The following LMO1 variants were observed in gnomAD, a reference collection of about 807,000 sequenced individuals.
The protein encoded by LMO1 is rhombotin-1.
A neutral mutation model predicts 18.0 loss-of-function variants in LMO1; 10 were observed. The observed-to-expected ratio is 0.55, with a 90% confidence interval of 0.34 to 0.94. The LOEUF (loss-of-function observed/expected upper bound fraction) is 0.94. LMO1 is among the 40% of genes least tolerant of loss of function. The pLI, the probability that LMO1 is intolerant of heterozygous loss-of-function variation, is 0.02. For missense variants in LMO1, 183 were observed against 205.7 expected (o/e 0.89, Z 0.68); for synonymous variants, 77 against 77.9 (o/e 0.99, Z 0.06).
At chr11:8,226,222 C>T (rs1031784661) in intron 3 of LMO1, among the ~76,000 whole-genome samples, 4 of 152,120 alleles carry the variant, frequency 2.6e-5, no homozygotes, top group South Asian at 4.2e-4. Context: ...AGGCTGGGCG[C>T]GGTGGCTCAC....
intron 1 of LMO1, among the ~76,000 whole-genome samples, chr11:8,230,765 C>A (rs1402189792): frequency 6.6e-6 from 1 of 152,220 alleles, no homozygotes; most frequent in South Asian, 2.1e-4. Context: ...ACACACAGAC[C>A]CCAGGCCTGG....
At chr11:8,255,818 C>CTTTTTTTTTTTTTTTT (rs57425549) in intron 1 of LMO1, among the ~76,000 whole-genome samples, 2 of 86,344 alleles carry the variant, frequency 2.3e-5, no homozygotes, top group Non-Finnish European at 4.0e-5. Flanking sequence ...CAATGCCGCA[C>CTTTTTTTTTTTTTTTT]TTTTTTTTTT....
chr11:8,233,534 A>T (rs1356321192), intron 1 of LMO1, among the ~76,000 whole-genome samples: 1 of 152,182 alleles, frequency 6.6e-6, no homozygotes, highest in Non-Finnish European at 1.5e-5. Context: ...TAGGGCATCC[A>T]TGCTGTGTCT....
chr11:8,251,710 G>A (rs1353384954), intron 1 of LMO1, among the ~76,000 whole-genome samples: 1 of 152,014 alleles, frequency 6.6e-6, no homozygotes, highest in Non-Finnish European at 1.5e-5. Flanking sequence ...TGCCTGTGCA[G>A]GTAGGTGTGC....
At chr11:8,243,153 G>A (rs1337539841) in intron 1 of LMO1, among the ~76,000 whole-genome samples, 1 of 152,180 alleles carries the variant, frequency 6.6e-6, no homozygotes, top group Non-Finnish European at 1.5e-5. Flanking sequence ...CTGCCTCTGG[G>A]ATGCCTGCCT....
chr11:8,263,247 G>C, intron 1 of LMO1, 91 bp downstream of exon 1: 1 of 1,355,710 alleles, frequency 7.4e-7, no homozygotes, highest in South Asian at 1.3e-5. Flanking sequence ...AGCCCAGCAG[G>C]TGTGCGCCCG....
intron 3 of LMO1, among the ~76,000 whole-genome samples, chr11:8,225,619 C>T (rs1228773290): frequency 6.6e-6 from 1 of 152,094 alleles, no homozygotes; most frequent in East Asian, 1.9e-4. Context: ...AAGGAAGGCC[C>T]TTCATTGGTC....
At chr11:8,251,852 T>C (rs954009435) in intron 1 of LMO1, among the ~76,000 whole-genome samples, 2 of 110,548 alleles carry the variant, frequency 1.8e-5, no homozygotes, top group African/African-American at 7.5e-5. Context: ...TGGGTGTGCG[T>C]GTGTGTGTGA....
At chr11:8,255,043 C>A (rs1180912083) in intron 1 of LMO1, among the ~76,000 whole-genome samples, 2 of 152,200 alleles carry the variant, frequency 1.3e-5, no homozygotes, top group Non-Finnish European at 2.9e-5. Context: ...CTCTACCCTT[C>A]CCCACAGCCA....
chr11:8,234,437 C>T (rs1952725799), intron 1 of LMO1, among the ~76,000 whole-genome samples: 1 of 152,164 alleles, frequency 6.6e-6, no homozygotes, highest in Admixed American at 6.5e-5. Flanking sequence ...CTCCTGCCCA[C>T]CTGTCCCAGC....
chr11:8,250,970 G>A (rs761270903), intron 1 of LMO1, among the ~76,000 whole-genome samples: 1 of 152,212 alleles, frequency 6.6e-6, no homozygotes, highest in Non-Finnish European at 1.5e-5. Context: ...GCAGGGGACA[G>A]GGCCTTCCAC....
upstream of LMO1, chr11:8,268,509 C>T (rs956518186): frequency 3.0e-6 from 4 of 1,317,652 alleles, no homozygotes; most frequent in East Asian, 6.3e-5. Flanking sequence ...GGCTCCGACT[C>T]CCGCCGCCGG....
rs945426895 is a variant in LMO1, at chr11:8,263,526, G to A, written c.-164C>T. On this transcript the variant is annotated 5_prime_UTR_variant, in exon 1 of 4. Coordinates refer to ENST00000335790, the MANE Select transcript of LMO1 (RefSeq NM_002315.3). ...TGCACTCAGCTAGAATTACATTCAG[G>A]AGTGAAGCACTTCGCAGATACAAAA... 9.4e-6 allele frequency: 13 copies of A among 1,388,936 alleles called. No individual in the cohort carries two copies. The highest frequency in any genetic ancestry group is 1.2e-5 in the Non-Finnish European group (13 of 1,073,570). The allele number at this position is 1,388,936 out of a possible 1,614,324, so 86.0% of individuals were successfully genotyped here. A position where few individuals can be genotyped will look rare whatever the true frequency, so the allele number is the denominator to read the frequency against.
chr11:8,244,725 A>G (rs917498440), intron 1 of LMO1, among the ~76,000 whole-genome samples: 1 of 152,212 alleles, frequency 6.6e-6, no homozygotes, highest in African/African-American at 2.4e-5. Context: ...GCCTGGGGGT[A>G]AGGGCTGGGG....
At chr11:8,234,391 G>C (rs770739642) in intron 1 of LMO1, among the ~76,000 whole-genome samples, 1 of 152,070 alleles carries the variant, frequency 6.6e-6, no homozygotes, top group Non-Finnish European at 1.5e-5. Flanking sequence ...ATGGACCCCA[G>C]AGCAGTCCAC....
Position 8,224,352 on chromosome 11 carries a change from C to T in LMO1, c.*264G>A, listed in dbSNP as rs1283746184. The T allele has an allele frequency of 1.9e-5, 9 of 477,524 alleles. No homozygotes were observed. The highest frequency in any genetic ancestry group is 1.7e-4 in the East Asian group (5 of 30,238). 29.6% of individuals were successfully genotyped at this position (477,524 alleles called of 1,614,324 possible). A position where few individuals can be genotyped will look rare whatever the true frequency, so the allele number is the denominator to read the frequency against. The stretch of plus-strand genomic sequence containing the variant: ...GTTTAATCCACGCCAGTAATAAAAT[C>T]GCATTACATTTCTCATAAAATAAAT... On this transcript the variant is annotated 3_prime_UTR_variant, in exon 4 of 4. Coordinates refer to ENST00000335790, the MANE Select transcript of LMO1 (RefSeq NM_002315.3).
intron 1 of LMO1, among the ~76,000 whole-genome samples, chr11:8,233,644 A>T (rs1476085160): frequency 2.0e-5 from 3 of 151,942 alleles, no homozygotes; most frequent in Admixed American, 6.5e-5. Flanking sequence ...AGATGGAGGG[A>T]TAAGCTCCCC....
intron 2 of LMO1, among the ~76,000 whole-genome samples, chr11:8,228,327 T>A (rs1457887066): frequency 1.3e-5 from 2 of 152,232 alleles, no homozygotes; most frequent in Non-Finnish European, 2.9e-5. Flanking sequence ...AAGCCCCAAG[T>A]GAGGCAAGGA....
intron 1 of LMO1, among the ~76,000 whole-genome samples, chr11:8,251,963 TGTGTGGGGGTGTGC>T (rs1847007129): frequency 8.6e-6 from 1 of 116,576 alleles, no homozygotes; most frequent in South Asian, 2.6e-4. Context: ...TGTGTGTTTG[TGTGTGGGGGTGTGC>T]GTGTGTGGGG....
Sources: allele counts gnomAD v4.1 joint callset (sites outside exome capture counted in the v4.1 genomes callset), GRCh38; gene constraint gnomAD v4.1.1; transcripts MANE v1.5; gene names NCBI Gene and HGNC (gene_info 2026-07-23, HGNC 2026-07-21).